Variants in PRKCE observed in about 807,000 individuals in gnomAD.
The protein encoded by PRKCE is protein kinase C epsilon type.
Under a neutral mutation model 85.4 loss-of-function variants are expected in PRKCE, and 16 were observed. The ratio of observed to expected loss-of-function variants is 0.19; its 90% CI spans 0.13 to 0.28. The LOEUF (loss-of-function observed/expected upper bound fraction) is 0.28. Among genes scored for constraint, PRKCE ranks in the 10% least tolerant of loss-of-function variants. The pLI is 1.00. For missense variants in PRKCE, 573 were observed against 975.2 expected, an observed-to-expected ratio of 0.59 and a Z score of 5.49; for synonymous variants, 388 against 371.5, an observed-to-expected ratio of 1.04 and a Z score of -0.51.
intron 1 of PRKCE, among the ~76,000 whole-genome samples, chr2:45,663,219 TG>T (rs1675758160): frequency 6.6e-6 from 1 of 152,230 alleles, no homozygotes. Flanking sequence ...TGCTTTTATT[TG>T]GGAAACATTA....
intron 1 of PRKCE, among the ~76,000 whole-genome samples, chr2:45,708,071 C>T (rs915027132): frequency 6.6e-6 from 1 of 152,220 alleles, no homozygotes; most frequent in South Asian, 2.1e-4. Context: ...TGTTTCCTGC[C>T]TTCGGTGAGC....
intron 11 of PRKCE, among the ~76,000 whole-genome samples, chr2:46,096,456 T>C (rs764339112): frequency 6.6e-6 from 1 of 152,144 alleles, no homozygotes. Context: ...TGATGGCATT[T>C]GGAGATAGGG....
intron 2 of PRKCE, among the ~76,000 whole-genome samples, chr2:45,864,976 TAC>T (rs1299076580): frequency 6.6e-6 from 1 of 152,230 alleles, no homozygotes; most frequent in Non-Finnish European, 1.5e-5. Context: ...GCCGAAAATT[TAC>T]ATTCCTAAGT....
chr2:45,771,163 C>T (rs1042873669), intron 1 of PRKCE, among the ~76,000 whole-genome samples: 2 of 152,242 alleles, frequency 1.3e-5, no homozygotes, highest in South Asian at 2.1e-4. Context: ...CAGACCACTC[C>T]TCCCAGGCTG....
chr2:45,660,842 G>A (rs1675603251), intron 1 of PRKCE, among the ~76,000 whole-genome samples: 1 of 152,184 alleles, frequency 6.6e-6, no homozygotes, highest in Non-Finnish European at 1.5e-5. Flanking sequence ...ATGTGAAGTG[G>A]CCAAAAGTCT....
chr2:45,962,461 A>G (rs1466053180), intron 2 of PRKCE, among the ~76,000 whole-genome samples: 1 of 152,210 alleles, frequency 6.6e-6, no homozygotes, highest in African/African-American at 2.4e-5. Flanking sequence ...TCTCAGGTTC[A>G]TTAAACTGAA....
At chr2:46,173,131 T>C (rs1391964904) in intron 14 of PRKCE, among the ~76,000 whole-genome samples, 2 of 152,252 alleles carry the variant, frequency 1.3e-5, no homozygotes, top group Non-Finnish European at 2.9e-5. Context: ...CCTGCTTTTG[T>C]GCAGCCCTAG....
intron 1 of PRKCE, among the ~76,000 whole-genome samples, chr2:45,804,201 T>A (rs1051243948): frequency 5.9e-5 from 9 of 152,168 alleles, no homozygotes; most frequent in African/African-American, 1.9e-4. Flanking sequence ...AACCCAATGC[T>A]GCGTAGCCAA....
At chr2:46,082,123 C>T (rs1868274) in intron 10 of PRKCE, among the ~76,000 whole-genome samples, 5 of 151,856 alleles carry the variant, frequency 3.3e-5, no homozygotes, top group African/African-American at 7.2e-5. Flanking sequence ...GAGGAGGAAG[C>T]GGGGTGGGTT....
intron 1 of PRKCE, among the ~76,000 whole-genome samples, chr2:45,696,695 T>C (rs764284786): frequency 1.6e-4 from 25 of 152,162 alleles, no homozygotes; most frequent in Non-Finnish European, 2.8e-4. Flanking sequence ...TGATTCTCAG[T>C]TTTCCTACCC....
intron 2 of PRKCE, among the ~76,000 whole-genome samples, chr2:45,972,362 T>G (rs1250766117): frequency 1.3e-5 from 2 of 152,242 alleles, no homozygotes; most frequent in South Asian, 2.1e-4. Context: ...ATTTTGGATA[T>G]TAACCCTTTC....
rs140764998 is a variant in PRKCE, at chr2:46,145,331, C to T, written c.1731+100C>T. The T allele has an allele frequency of 2.6e-4, 377 of 1,459,430 alleles. 3 individuals carry two copies. The East Asian group carries it at 8.5e-3, about 33-fold the overall frequency. The allele number at this position is 1,459,430 out of a possible 1,614,324, so 90.4% of individuals were successfully genotyped here. On this transcript the variant is annotated intron_variant, in intron 12 of 14. Transcript: ENST00000306156. The surrounding 1 kb of genome is among the most constrained non-coding windows in gnomAD (Gnocchi z 4.6). The stretch of plus-strand genomic sequence containing the variant: ...GTCATCTAGTGGTGCTGGGGGAAGG[C>T]TCTGGAAATCCAGGATGGATTCTAG...
chr2:45,940,599 C>T (rs1001285269), intron 2 of PRKCE, among the ~76,000 whole-genome samples: 15 of 152,148 alleles, frequency 9.9e-5, no homozygotes, highest in Non-Finnish European at 1.6e-4. Flanking sequence ...GGGCCAGGTA[C>T]ATTCACTGGT....
chr2:45,767,726 A>G (rs4413200), intron 1 of PRKCE, among the ~76,000 whole-genome samples: 29,922 of 152,160 alleles, frequency 0.2, 5,731 homozygotes, highest in African/African-American at 0.5. Flanking sequence ...TTTCTCTAGC[A>G]TGCATGTCCA....
chr2:45,838,308 C>T (rs906365997), intron 1 of PRKCE, among the ~76,000 whole-genome samples: 4 of 152,214 alleles, frequency 2.6e-5, no homozygotes, highest in Non-Finnish European at 5.9e-5. Context: ...GACTTGCAAG[C>T]TCTGTTGACC....
intron 10 of PRKCE, among the ~76,000 whole-genome samples, chr2:46,079,953 T>C (rs1309328813): frequency 6.6e-6 from 1 of 152,218 alleles, no homozygotes; most frequent in Non-Finnish European, 1.5e-5. Context: ...TTTCCTAATT[T>C]TATTATTTTA....
intron 2 of PRKCE, among the ~76,000 whole-genome samples, chr2:45,910,981 G>A (rs1462149364): frequency 6.6e-6 from 1 of 152,174 alleles, no homozygotes; most frequent in Admixed American, 6.5e-5. Context: ...TGGAAAACAG[G>A]GCAAGAAGGG....
At chr2:45,813,672 G>A (rs1461157654) in intron 1 of PRKCE, among the ~76,000 whole-genome samples, 1 of 152,164 alleles carries the variant, frequency 6.6e-6, no homozygotes, top group Non-Finnish European at 1.5e-5. Context: ...GGACTTCAGA[G>A]CCCAGGCCCT....
At chr2:45,686,008 A>G (rs952301844) in intron 1 of PRKCE, among the ~76,000 whole-genome samples, 2 of 152,198 alleles carry the variant, frequency 1.3e-5, no homozygotes, top group African/African-American at 2.4e-5. Flanking sequence ...TTTTGCATCA[A>G]TCATATAGAA....
Sources: allele counts gnomAD v4.1 joint callset (sites outside exome capture counted in the v4.1 genomes callset), GRCh38; gene constraint gnomAD v4.1.1; non-coding constraint Gnocchi (gnomAD v3.1); transcripts MANE v1.5; gene names NCBI Gene and HGNC (gene_info 2026-07-23, HGNC 2026-07-21).